Variants in GALK2 observed in about 807,000 individuals in gnomAD.
GALK2 encodes galactokinase 2.
In GALK2, 36 loss-of-function variants were observed where a neutral mutation model predicts 52.4. The ratio of observed to expected loss-of-function variants is 0.69; its 90% CI spans 0.53 to 0.91. The LOEUF is 0.91. Ranked by LOEUF, GALK2 falls within the 40% of genes least tolerant of loss-of-function variation. The probability of loss-of-function intolerance (pLI) is 0.00; values close to 1 mark genes in which losing one functional copy is unlikely to be tolerated. For missense variants in GALK2, 579 were observed against 559.1 expected (o/e 1.04, Z -0.36); for synonymous variants, 176 against 199.1 (o/e 0.88, Z 0.98).
At chr15:49,302,426 A>T (rs2035192078) in intron 8 of GALK2, among the ~76,000 whole-genome samples, 1 of 152,204 alleles carries the variant, frequency 6.6e-6, no homozygotes, top group African/African-American at 2.4e-5. Flanking sequence ...CATAATATGC[A>T]TAAGCTGTTG....
chr15:49,319,929 T>A, intron 9 of GALK2, 124 bp downstream of exon 9: 2 of 782,446 alleles, frequency 2.6e-6, no homozygotes, highest in Non-Finnish European at 4.0e-6. Flanking sequence ...ATATGAGGAG[T>A]CTCTGATGAT....
At chr15:49,284,149 C>T (rs1190644937) in intron 7 of GALK2, among the ~76,000 whole-genome samples, 2 of 152,096 alleles carry the variant, frequency 1.3e-5, no homozygotes, top group African/African-American at 4.8e-5. Context: ...CCCCAGACCC[C>T]GTACCCAGAA....
chr15:49,218,054 C>G (rs991186462), intron 3 of GALK2, among the ~76,000 whole-genome samples: 2 of 152,072 alleles, frequency 1.3e-5, no homozygotes, highest in Admixed American at 1.3e-4. Flanking sequence ...ATGGATTTGA[C>G]TTGATAATTA....
At chr15:49,155,877 T>TTCCAGCCTCCTGGGTAAAGGAGCAGTC (rs2084431564) in exon 1 of GALK2, 1 of 1,159,208 alleles carries the variant, frequency 8.6e-7, no homozygotes, top group African/African-American at 1.5e-5. Context: ...ATCGAGCAGT[T>TTCCAGCCTCCTGGGTAAAGGAGCAGTC]TCCAGCCTCC....
chr15:49,347,325 A>C (rs1431472412), intron 3 of GALK2, among the ~76,000 whole-genome samples: 1 of 152,228 alleles, frequency 6.6e-6, no homozygotes, highest in Non-Finnish European at 1.5e-5. Flanking sequence ...AGACAGAAGA[A>C]CTATAAAATT....
chr15:49,270,285 A>G (rs906264129), intron 5 of GALK2, among the ~76,000 whole-genome samples: 1 of 152,228 alleles, frequency 6.6e-6, no homozygotes. Flanking sequence ...TTACTTACTA[A>G]GATTCCTGGA....
intron 1 of GALK2, among the ~76,000 whole-genome samples, chr15:49,185,959 G>A (rs2086308711): frequency 6.6e-6 from 1 of 152,070 alleles, no homozygotes; most frequent in Non-Finnish European, 1.5e-5. Flanking sequence ...TTTCCACTGA[G>A]AAGTGTGCTG....
chr15:49,333,169 TATGTTACATACC>T (rs2039100962), downstream of GALK2, among the ~76,000 whole-genome samples: 1 of 152,178 alleles, frequency 6.6e-6, no homozygotes, highest in Admixed American at 6.5e-5. Flanking sequence ...TTTATTGAGA[TATGTTACATACC>T]ATAAAATTGA....
intron 5 of GALK2, among the ~76,000 whole-genome samples, chr15:49,258,589 C>T (rs1382480407): frequency 6.6e-6 from 1 of 151,920 alleles, no homozygotes; most frequent in Non-Finnish European, 1.5e-5. Flanking sequence ...GCTATACACC[C>T]ACATGATGTA....
At chr15:49,234,946 T>C (rs1439528772) in intron 3 of GALK2, among the ~76,000 whole-genome samples, 2 of 152,118 alleles carry the variant, frequency 1.3e-5, no homozygotes, top group East Asian at 3.9e-4. Context: ...TTTGTGTTTT[T>C]AGTAGAGACA....
intron 2 of GALK2, 24 bp from the exon 3 acceptor site, chr15:49,217,165 TA>T: frequency 6.3e-7 from 1 of 1,595,232 alleles, no homozygotes; most frequent in Non-Finnish European, 8.6e-7. Flanking sequence ...TAGCAATGAT[TA>T]AAAAAGCTTT....
At chr15:49,332,040 G>A (rs1451297572), downstream of GALK2, among the ~76,000 whole-genome samples, 1 of 151,860 alleles carries the variant, frequency 6.6e-6, no homozygotes, top group Non-Finnish European at 1.5e-5. Flanking sequence ...TGAGGAAACA[G>A]GCTGAGATAG....
In GALK2 at chr15:49,254,248, A is replaced by G. The variant is rs1363911355; in HGVS notation, c.504+14881A>G. Among the ~76,000 whole-genome samples the G allele has an allele frequency of 2.8e-5, 4 of 143,720 alleles. 1 individual carries two copies. Among genetic ancestry groups the G allele is most frequent in the Non-Finnish European group, 6.2e-5 (4 of 64,050 alleles). 94.3% of individuals were successfully genotyped at this position (143,720 alleles called of 152,430 possible). A position where few individuals can be genotyped will look rare whatever the true frequency, so the allele number is the denominator to read the frequency against. On this transcript the variant is annotated intron_variant, in intron 5 of 9. Transcript: ENST00000560031. ...CTGGTTGTTAATTTTGACTGTATTT[A>G]TATAAATTAAAGTGAAGCAAGACCC...
chr15:49,288,358 A>G (rs1194936537), intron 7 of GALK2, among the ~76,000 whole-genome samples: 1 of 152,186 alleles, frequency 6.6e-6, no homozygotes, highest in African/African-American at 2.4e-5. Flanking sequence ...AGAGAGTTTC[A>G]TATGTTCCTT....
rs1285800766 is a variant in GALK2, at chr15:49,299,801, G to T, written c.967+7264G>T. Among the ~76,000 whole-genome samples, 124 of 89,730 alleles carry T rather than the reference G, an allele frequency of 1.4e-3. 1 individual carries two copies. The highest frequency in any genetic ancestry group is 5.3e-3 in the African/African-American group (114 of 21,332). The allele number at this position is 89,730 out of a possible 152,430, so 58.9% of individuals were successfully genotyped here. A position where few individuals can be genotyped will look rare whatever the true frequency, so the allele number is the denominator to read the frequency against. On this transcript the variant is annotated intron_variant, in intron 8 of 9. Transcript: ENST00000560031. ...TTTCTTTCTTTCTTTCTTTCGTGCTGTAGTCTGAGAGCGTGATTGGTATGA... is the reference window on the plus strand; with the variant it reads ...TTTCTTTCTTTCTTTCTTTCGTGCTTTAGTCTGAGAGCGTGATTGGTATGA...
chr15:49,319,033 C>T, intron 8 of GALK2: 1 of 428,462 alleles, frequency 2.3e-6, no homozygotes, highest in South Asian at 1.7e-5. Context: ...TCACTGCAAC[C>T]TCTGCCTCCC....
At chr15:49,179,512 T>C in intron 1 of GALK2, among the ~76,000 whole-genome samples, 1 of 152,198 alleles carries the variant, frequency 6.6e-6, no homozygotes. Context: ...CCTGAAATTT[T>C]AATTCATTCA....
At chr15:49,295,393 T>C (rs1005855243) in intron 8 of GALK2, among the ~76,000 whole-genome samples, 3 of 151,854 alleles carry the variant, frequency 2.0e-5, no homozygotes, top group Non-Finnish European at 4.4e-5. Context: ...TTGTCTGGTG[T>C]GATAGCAAGA....
At position 49,298,052 on chromosome 15, in the gene GALK2, T is replaced by C. The variant is rs192629432; in HGVS notation, c.967+5515T>C. Among the ~76,000 whole-genome samples, 640 of 152,286 alleles carry C rather than the reference T, an allele frequency of 4.2e-3. 9 individuals carry two copies. Among genetic ancestry groups the C allele is most frequent in the African/African-American group, 0.015 (611 of 41,560 alleles). Reference sequence around the variant, plus strand: ...TATTGATTCTTCAAACCCATGAGCATGGAAAGTTTTCCCATTTGTTTGTGT... The same window carrying C: ...TATTGATTCTTCAAACCCATGAGCACGGAAAGTTTTCCCATTTGTTTGTGT... On this transcript the variant is annotated intron_variant, in intron 8 of 9. Coordinates refer to ENST00000560031, the MANE Select transcript of GALK2 (RefSeq NM_002044.4).
Sources: allele counts gnomAD v4.1 joint callset (sites outside exome capture counted in the v4.1 genomes callset), GRCh38; gene constraint gnomAD v4.1.1; transcripts MANE v1.5; gene names NCBI Gene and HGNC (gene_info 2026-07-23, HGNC 2026-07-21).